SNAP91: variants seen among roughly 807,000 people sequenced by gnomAD.
The protein encoded by SNAP91 is clathrin coat assembly protein AP180.
Under a neutral mutation model 100.3 loss-of-function variants are expected in SNAP91, and 27 were observed. The ratio of observed to expected loss-of-function variants is 0.27; its 90% confidence interval spans 0.20 to 0.37. The LOEUF is 0.37. Among genes scored for constraint, SNAP91 ranks in the 10% least tolerant of loss-of-function variants. The pLI, the probability that SNAP91 is intolerant of heterozygous loss-of-function variation, is 1.00. For synonymous variants in SNAP91, 404 were observed against 398.6 expected (o/e 1.01, Z -0.16); for missense variants, 986 against 1,123.7 (o/e 0.88, Z 1.75).
At chr6:83,593,317 T>G in intron 18 of SNAP91, 58 bp from the exon 19 acceptor site, 1 of 1,535,646 alleles carries the variant, frequency 6.5e-7, no homozygotes, top group Non-Finnish European at 8.8e-7. Context: ...TGACACAGCA[T>G]CACTTCCCAG....
chr6:83,592,587 G>C, intron 20 of SNAP91, 49 bp from the exon 21 acceptor site: 4 of 1,444,506 alleles, frequency 2.8e-6, no homozygotes, highest in Non-Finnish European at 2.9e-6. Flanking sequence ...CAAGGGAAAA[G>C]AAAACCATGA....
intron 9 of SNAP91, among the ~76,000 whole-genome samples, chr6:83,617,480 A>T (rs1294050685): frequency 6.6e-6 from 1 of 151,966 alleles, no homozygotes; most frequent in Non-Finnish European, 1.5e-5. Flanking sequence ...TTTGTCTGAA[A>T]TATTAGGAAA....
intron 29 of SNAP91, 101 bp downstream of exon 29, chr6:83,556,042 C>T (rs2127755059): frequency 3.4e-6 from 2 of 584,086 alleles, no homozygotes; most frequent in Non-Finnish European, 3.1e-6. Flanking sequence ...TACTATTATA[C>T]ACAGCTATTC....
chr6:83,708,039 G>A, intron 1 of SNAP91, 82 bp from the exon 2 acceptor site: 1 of 1,296,718 alleles, frequency 7.7e-7, no homozygotes, highest in Non-Finnish European at 1.0e-6. Context: ...TCCTCCAGCC[G>A]CGCGGCGGCT....
intron 2 of SNAP91, among the ~76,000 whole-genome samples, chr6:83,675,426 CAT>C (rs1308173678): frequency 2.0e-5 from 3 of 152,050 alleles, no homozygotes; most frequent in Non-Finnish European, 1.5e-5. Flanking sequence ...TCTTCATTAA[CAT>C]GTGAACTTTA....
intron 2 of SNAP91, among the ~76,000 whole-genome samples, chr6:83,703,107 A>T (rs1329978617): frequency 6.6e-6 from 1 of 151,910 alleles, no homozygotes; most frequent in African/African-American, 2.4e-5. Context: ...TTCTGGTAAA[A>T]TCAAGAGGAA....
intron 8 of SNAP91, among the ~76,000 whole-genome samples, chr6:83,624,787 G>A (rs1399292986): frequency 6.6e-6 from 1 of 152,212 alleles, no homozygotes; most frequent in Non-Finnish European, 1.5e-5. Context: ...GACCACTGAC[G>A]TAGAGCACTT....
chr6:83,633,732 C>T (rs904106117), intron 8 of SNAP91, among the ~76,000 whole-genome samples: 2 of 152,154 alleles, frequency 1.3e-5, no homozygotes, highest in African/African-American at 4.8e-5. Context: ...ACTGTGCCCC[C>T]CAGCAACAGC....
chr6:83,607,291 T>C lies in SNAP91; in HGVS notation c.1022+408A>G, dbSNP rs183463416. On this transcript the variant is annotated intron_variant, in intron 13 of 29. Transcript: ENST00000369694. ...CTACCACCAGAGTGTGAGTTCCTCA[T>C]ACGCACTAGCTAATTGGTCAAACAA... Among the ~76,000 whole-genome samples, 930 of 150,858 alleles carry C rather than the reference T, an allele frequency of 6.2e-3. 7 individuals carry two copies. The highest frequency in any genetic ancestry group is 0.021 in the African/African-American group (881 of 40,994).
Position 83,579,215 on chromosome 6 carries a change from G to A in SNAP91, c.2299+1235C>T, listed in dbSNP as rs148130931. Among the ~76,000 whole-genome samples, 13 of 152,204 alleles carry A rather than the reference G, an allele frequency of 8.5e-5. No individual in the cohort carries two copies. In the East Asian group the frequency reaches 2.1e-3, roughly 25 times the overall value. On this transcript the variant is annotated intron_variant, in intron 24 of 29. Coordinates refer to ENST00000369694, the MANE Select transcript of SNAP91 (RefSeq NM_001242792.2). ...AAGATTGTTTGGGTATTGCTCTAGCGGGTTAGCTTCTTTCAGCTGGGATCA... is the reference window on the plus strand; with the variant it reads ...AAGATTGTTTGGGTATTGCTCTAGCAGGTTAGCTTCTTTCAGCTGGGATCA...
intron 6 of SNAP91, 33 bp from the exon 7 acceptor site, chr6:83,656,898 A>G (rs1440867571): frequency 2.0e-6 from 2 of 1,024,362 alleles, no homozygotes; most frequent in East Asian, 2.6e-5. Flanking sequence ...TATTAGCGGC[A>G]TATCATTAAG....
At chr6:83,619,957 TGAG>T (rs1219425849) in intron 9 of SNAP91, among the ~76,000 whole-genome samples, 1 of 152,162 alleles carries the variant, frequency 6.6e-6, no homozygotes, top group Admixed American at 6.5e-5. Flanking sequence ...TTGAAAGTGC[TGAG>T]GAGAAATATT....
At chr6:83,636,326 T>A (rs548927505) in intron 8 of SNAP91, among the ~76,000 whole-genome samples, 1 of 152,300 alleles carries the variant, frequency 6.6e-6, no homozygotes, top group East Asian at 1.9e-4. Flanking sequence ...GTTGCTTTAC[T>A]TAACACCATA....
chr6:83,635,055 G>A (rs577345468), intron 8 of SNAP91, among the ~76,000 whole-genome samples: 1 of 152,256 alleles, frequency 6.6e-6, no homozygotes, highest in East Asian at 1.9e-4. Context: ...CTTTATGGCT[G>A]AGCATGTGGT....
In SNAP91 at chr6:83,570,445, A is replaced by G. The variant is rs534006620; in HGVS notation, c.2442+4565T>C. 7.9e-5 allele frequency among the ~76,000 whole-genome samples: 12 copies of G among 152,162 alleles called. No individual in the cohort carries two copies. In the South Asian group the frequency reaches 2.5e-3, roughly 32 times the overall value. ...GCCAGCTGCATAAATTTGCATAAGT[A>G]ACAAAGAGCCGAATGTTTATCACCA... is the stretch of plus-strand genomic sequence containing the variant. On this transcript the variant is annotated intron_variant, in intron 26 of 29. Transcript: ENST00000369694.
chr6:83,554,520 G>A (rs192017139), intron 29 of SNAP91, among the ~76,000 whole-genome samples: 12 of 152,084 alleles, frequency 7.9e-5, no homozygotes, highest in Admixed American at 5.9e-4. Flanking sequence ...TTTCATTTTA[G>A]ATAATAATTA....
chr6:83,666,666 G>A (rs2098692274), intron 2 of SNAP91, among the ~76,000 whole-genome samples: 1 of 152,002 alleles, frequency 6.6e-6, no homozygotes, highest in South Asian at 2.1e-4. Context: ...AAACTCCTTA[G>A]ACTAAAGGAT....
chr6:83,683,482 C>G (rs1220767801), intron 2 of SNAP91, among the ~76,000 whole-genome samples: 2 of 152,008 alleles, frequency 1.3e-5, no homozygotes, highest in Admixed American at 6.6e-5. Flanking sequence ...AGCCTGGCAT[C>G]TCCTCCTCTC....
chr6:83,630,532 C>T (rs2097164132), intron 8 of SNAP91, among the ~76,000 whole-genome samples: 1 of 151,616 alleles, frequency 6.6e-6, no homozygotes, highest in Non-Finnish European at 1.5e-5. Context: ...CACTGCTTGT[C>T]TGTTCAGGGT....
Sources: gnomAD v4.1 joint callset for allele counts (sites outside exome capture counted in the v4.1 genomes callset) on GRCh38, gnomAD v4.1.1 for gene constraint, MANE v1.5 for transcripts, NCBI Gene and HGNC (gene_info 2026-07-23, HGNC 2026-07-21) for gene names.